The following ATF6 variants were observed in gnomAD, a reference collection of about 807,000 sequenced individuals.
The protein encoded by ATF6 is activating transcription factor 6, also known as cyclic AMP-dependent transcription factor ATF-6 alpha.
ATF6 carries 53 observed loss-of-function variants against 83.6 expected under a neutral mutation model. The observed-to-expected ratio is 0.63, with a 90% CI of 0.51 to 0.80. The LOEUF (loss-of-function observed/expected upper bound fraction) is 0.80. Ranked by LOEUF, ATF6 falls within the 30% of genes least tolerant of loss-of-function variation. The probability of loss-of-function intolerance (pLI) is 0.00; values close to 1 mark genes in which losing one functional copy is unlikely to be tolerated. For missense variants in ATF6, 744 were observed against 797.9 expected, an observed-to-expected ratio of 0.93 and a Z score of 0.81; for synonymous variants, 288 against 285.8, an observed-to-expected ratio of 1.01 and a Z score of -0.08.
At chr1:161,813,770 A>G (rs182175216) in intron 7 of ATF6, among the ~76,000 whole-genome samples, 1 of 152,240 alleles carries the variant, frequency 6.6e-6, no homozygotes, top group Admixed American at 6.5e-5. Flanking sequence ...TTTTCCAATT[A>G]ATTCATTGCA....
intron 15 of ATF6, among the ~76,000 whole-genome samples, chr1:161,955,971 A>G (rs1213704744): frequency 6.6e-6 from 1 of 152,196 alleles, no homozygotes; most frequent in African/African-American, 2.4e-5. Flanking sequence ...AACCATGGCT[A>G]GGAACTCCTG....
rs764475367 is a variant in ATF6, at chr1:161,865,029, T to C, written c.1719+1717T>C. On this transcript the variant is annotated intron_variant, in intron 14 of 15. Coordinates refer to ENST00000367942, the MANE Select transcript of ATF6 (RefSeq NM_007348.4). ...TTTTTCTGAGGTTCAGGATAATTAC[T>C]GTATTATTTGATCAAAACAGTATAA... is the stretch of plus-strand genomic sequence containing the variant. Among the ~76,000 whole-genome samples the C allele has an allele frequency of 3.3e-5, 5 of 152,346 alleles. No homozygotes were observed. The East Asian group carries it at 7.7e-4, about 23-fold the overall frequency.
chr1:161,896,298 C>T (rs1042849616), intron 14 of ATF6, among the ~76,000 whole-genome samples: 15 of 152,180 alleles, frequency 9.9e-5, no homozygotes, highest in African/African-American at 3.6e-4. Context: ...GGTTTCTTCA[C>T]ATTGGCCAGG....
chr1:161,912,035 C>T (rs1411006777), intron 14 of ATF6, among the ~76,000 whole-genome samples: 1 of 152,168 alleles, frequency 6.6e-6, no homozygotes, highest in African/African-American at 2.4e-5. Flanking sequence ...AGTGGTGCTA[C>T]AGCATATGTG....
chr1:161,812,784 CTGTGTG>C (rs4040222), intron 7 of ATF6, among the ~76,000 whole-genome samples: 19 of 145,442 alleles, frequency 1.3e-4, no homozygotes, highest in East Asian at 8.1e-4. Context: ...TTTGCCTCCT[CTGTGTG>C]TGTGTGTGTG....
intron 9 of ATF6, among the ~76,000 whole-genome samples, chr1:161,835,184 T>C (rs541402229): frequency 1.3e-5 from 2 of 152,244 alleles, no homozygotes; most frequent in East Asian, 3.9e-4. Flanking sequence ...TCCTGAGTAG[T>C]TAGTACTCTA....
intron 4 of ATF6, among the ~76,000 whole-genome samples, chr1:161,789,032 G>A (rs971490510): frequency 6.6e-6 from 1 of 151,696 alleles, no homozygotes; most frequent in African/African-American, 2.4e-5. Context: ...GTACATGGTA[G>A]GCATATATAT....
rs1041138189 is a variant in ATF6 at position 161,962,580 on chromosome 1, T to G, written c.*3926T>G. 6.6e-6 allele frequency: 1 copy of G among 152,248 alleles called. No individual in the cohort carries two copies. The highest frequency in any genetic ancestry group is 1.5e-5 in the Non-Finnish European group (1 of 68,050). 9.4% of individuals were successfully genotyped at this position (152,248 alleles called of 1,614,324 possible). On this transcript the variant is annotated 3_prime_UTR_variant, in exon 16 of 16. Transcript: ENST00000367942. ...TCTAACACATTGCAAAGTTTCAAAG[T>G]GACTTTCACTTTCAACAACATATTA...
At chr1:161,773,162 G>C (rs1038801413) in intron 1 of ATF6, among the ~76,000 whole-genome samples, 3 of 119,848 alleles carry the variant, frequency 2.5e-5, no homozygotes, top group Non-Finnish European at 5.1e-5. Flanking sequence ...TTGAGACGGA[G>C]TCTCTCTCTG....
In ATF6 at chr1:161,819,744, G is replaced by A; in HGVS notation, c.1021G>A (p.Ala341Thr). Residue 341 changes from alanine to threonine, a missense_variant, in exon 8 of 16, where the codon GCC (alanine) becomes ACC (threonine). Physicochemically the swap from Ala to Thr is moderately conservative, Grantham distance 58 (BLOSUM62 0). Transcript: ENST00000367942. ...MLGLEARLKA[A>T]LSENEQLKKE... Reference sequence around the variant, plus strand: ...AGGGTTAGAGGCGAGATTAAAGGCTGCCCTCTCAGAAAACGAGCAACTGAA... The same window carrying A: ...AGGGTTAGAGGCGAGATTAAAGGCTACCCTCTCAGAAAACGAGCAACTGAA... 6.2e-7 allele frequency: 1 copy of A among 1,612,782 alleles called. No homozygotes were observed. The highest frequency in any genetic ancestry group is 8.5e-7 in the Non-Finnish European group (1 of 1,179,488).
In ATF6 at chr1:161,851,024, ACT is replaced by A. The variant is rs551462941; in HGVS notation, c.1320-695_1320-694del. On this transcript the variant is annotated intron_variant, in intron 10 of 15. Transcript: ENST00000367942. ...ATGGAGTAACTAGTTAATGTCAGTCACTCTGTTGTTTTATTAGTGATTCACAT... is the reference window on the plus strand; with the variant it reads ...ATGGAGTAACTAGTTAATGTCAGTCACTGTTGTTTTATTAGTGATTCACAT... 4.1e-3 allele frequency among the ~76,000 whole-genome samples: 626 copies of A among 152,024 alleles called. 5 individuals are homozygous for A. The highest frequency in any genetic ancestry group is 6.4e-3 in the Non-Finnish European group (433 of 67,952).
At chr1:161,914,383 C>G (rs1370125570) in intron 15 of ATF6, among the ~76,000 whole-genome samples, 4 of 152,152 alleles carry the variant, frequency 2.6e-5, no homozygotes, top group Non-Finnish European at 4.4e-5. Flanking sequence ...TCACACTTTA[C>G]TCCTCTAACC....
At chr1:161,890,224 G>A (rs1288100546) in intron 14 of ATF6, among the ~76,000 whole-genome samples, 1 of 152,168 alleles carries the variant, frequency 6.6e-6, no homozygotes, top group African/African-American at 2.4e-5. Flanking sequence ...TCCCCAAAAA[G>A]ATGAGTTTAG....
intron 13 of ATF6, among the ~76,000 whole-genome samples, chr1:161,862,078 GT>G (rs1686898122): frequency 1.3e-5 from 2 of 152,172 alleles, no homozygotes; most frequent in Non-Finnish European, 2.9e-5. Context: ...CAGAAATATT[GT>G]AACCAGAGGC....
chr1:161,824,624 G>A (rs183904273), intron 9 of ATF6, among the ~76,000 whole-genome samples: 13 of 152,214 alleles, frequency 8.5e-5, no homozygotes, highest in Admixed American at 2.6e-4. Context: ...GCACATAGTA[G>A]TTACTCAATA....
At chr1:161,803,912 T>G (rs1685216193) in intron 7 of ATF6, among the ~76,000 whole-genome samples, 1 of 151,966 alleles carries the variant, frequency 6.6e-6, no homozygotes, top group South Asian at 2.1e-4. Context: ...TACATATGTA[T>G]ACATGTGACA....
chr1:161,938,412 T>TA (rs1384341513), intron 15 of ATF6, among the ~76,000 whole-genome samples: 1 of 152,188 alleles, frequency 6.6e-6, no homozygotes, highest in Non-Finnish European at 1.5e-5. Flanking sequence ...CCTTTCCTAT[T>TA]AAATGATAGT....
At chr1:161,818,656 A>G (rs1347359747) in intron 7 of ATF6, among the ~76,000 whole-genome samples, 4 of 152,212 alleles carry the variant, frequency 2.6e-5, no homozygotes, top group African/African-American at 7.2e-5. Context: ...TAGCATTCCA[A>G]ATGGAAATAA....
chr1:161,923,983 C>T (rs889221181), intron 15 of ATF6, among the ~76,000 whole-genome samples: 2 of 152,252 alleles, frequency 1.3e-5, no homozygotes, highest in Non-Finnish European at 2.9e-5. Flanking sequence ...CTCCCACTAA[C>T]TCTCCAAAGT....
Sources: gnomAD v4.1 joint callset for allele counts (sites outside exome capture counted in the v4.1 genomes callset) on GRCh38, gnomAD v4.1.1 for gene constraint, MANE v1.5 for transcripts, NCBI Gene and HGNC (gene_info 2026-07-23, HGNC 2026-07-21) for gene names.